The following NDNF variants were observed in gnomAD, a reference collection of about 807,000 sequenced individuals.
NDNF encodes the protein protein NDNF.
A neutral mutation model predicts 42.0 loss-of-function variants in NDNF; 16 were observed. That is an observed-to-expected ratio of 0.38 (90% CI 0.26 to 0.58). NDNF has a LOEUF of 0.58. Ranked by LOEUF, NDNF falls within the 20% of genes least tolerant of loss-of-function variation. NDNF has a pLI of 0.67. For synonymous variants in NDNF, 248 were observed against 251.7 expected (o/e 0.99, Z 0.14); for missense variants, 616 against 666.2 (o/e 0.92, Z 0.83).
At chr4:121,042,390 G>A (rs986465923) in intron 2 of NDNF, among the ~76,000 whole-genome samples, 1 of 152,200 alleles carries the variant, frequency 6.6e-6, no homozygotes, top group African/African-American at 2.4e-5. Flanking sequence ...ATTCAAAGAT[G>A]CTTTTGGAGA....
intron 1 of NDNF, among the ~76,000 whole-genome samples, chr4:121,060,199 G>C (rs749529558): frequency 4.0e-5 from 6 of 150,152 alleles, no homozygotes; most frequent in Non-Finnish European, 7.4e-5. Context: ...TTTTAGTTTT[G>C]AGACAGAGTC....
chr4:121,052,952 T>G (rs1275570622), intron 1 of NDNF, among the ~76,000 whole-genome samples: 1 of 152,188 alleles, frequency 6.6e-6, no homozygotes, highest in Non-Finnish European at 1.5e-5. Context: ...ATTCCTGGTC[T>G]GCCCTGACGA....
At chr4:121,058,450 C>T (rs1727341461) in intron 1 of NDNF, among the ~76,000 whole-genome samples, 1 of 152,140 alleles carries the variant, frequency 6.6e-6, no homozygotes, top group Non-Finnish European at 1.5e-5. Flanking sequence ...CCTTCCTCTG[C>T]CAGAATGCTT....
In NDNF at chr4:121,072,016, G is replaced by C. The variant is rs1727614128; in HGVS notation, c.-25C>G. The C allele has an allele frequency of 6.6e-6, 1 of 152,228 alleles. No homozygotes were observed. The highest frequency in any genetic ancestry group is 1.5e-5 in the Non-Finnish European group (1 of 68,140). The allele number at this position is 152,228 out of a possible 1,614,324, so 9.4% of individuals were successfully genotyped here. On this transcript the variant is annotated 5_prime_UTR_variant, in exon 1 of 4. Transcript: ENST00000379692. Reference sequence around the variant, plus strand: ...ACCTTAAAAAGATCTGTTTTTCGTAGGGAAAATAGAAAAAAATCCCTCCCC... The same window carrying C: ...ACCTTAAAAAGATCTGTTTTTCGTACGGAAAATAGAAAAAAATCCCTCCCC...
At chr4:121,050,763 G>T (rs560135039) in intron 1 of NDNF, among the ~76,000 whole-genome samples, 52 of 152,104 alleles carry the variant, frequency 3.4e-4, no homozygotes, top group Non-Finnish European at 7.4e-4. Flanking sequence ...CTTCACATTT[G>T]GCACAAGTCC....
chr4:121,061,221 T>A (rs2148770946), intron 1 of NDNF: 1 of 152,412 alleles, frequency 6.6e-6, no homozygotes, highest in Non-Finnish European at 1.5e-5. Context: ...AAGACAGTGG[T>A]TCCTGATAAT....
Position 121,045,683 on chromosome 4 carries a change from A to G in NDNF, c.155T>C (p.Ile52Thr), listed in dbSNP as rs540385907. ...TGTATCTCTAAAGAGATAACTGCTA[A>G]TTTCAGCTCCATCTGGAATTACTGA... ...DSSVIPDGAE[I>T]SSYLFRDTPK... The change falls in exon 2 of 4, where the codon ATT becomes ACT. Residue 52 changes from isoleucine to threonine, a missense_variant. Physicochemically the swap from Ile to Thr is moderately conservative, Grantham distance 89. Coordinates refer to ENST00000379692, the MANE Select transcript of NDNF (RefSeq NM_024574.4). 1.2e-6 allele frequency: 2 copies of G among 1,614,224 alleles called. No homozygotes were observed. The highest frequency in any genetic ancestry group is 2.7e-5 in the African/African-American group (2 of 75,048).
At chr4:121,040,204 A>G (rs1385142665) in intron 2 of NDNF, 150 bp from the exon 3 acceptor site, 1 of 788,504 alleles carries the variant, frequency 1.3e-6, no homozygotes, top group Non-Finnish European at 1.9e-6. Context: ...TTCCCTTAAC[A>G]CAGTTTAATA....
At chr4:121,060,493 A>G (rs1463963722) in intron 1 of NDNF, among the ~76,000 whole-genome samples, 1 of 151,838 alleles carries the variant, frequency 6.6e-6, no homozygotes, top group East Asian at 1.9e-4. Flanking sequence ...CCTTTTTTAC[A>G]TTAAAAAAAA....
chr4:121,069,071 A>G (rs1261220738), intron 1 of NDNF, among the ~76,000 whole-genome samples: 1 of 152,226 alleles, frequency 6.6e-6, no homozygotes, highest in Admixed American at 6.5e-5. Flanking sequence ...TTAGAGTTTT[A>G]AAATACATTT....
chr4:121,036,509 TATC>T lies in NDNF; in HGVS notation c.1459_1461del (p.Asp487del). On this transcript the variant is annotated inframe_deletion, in exon 4 of 4. Coordinates refer to ENST00000379692, the MANE Select transcript of NDNF (RefSeq NM_024574.4). Reference sequence around the variant, plus strand: ...CTTTTCTTCTGGTCTTCATTGTAGTTATCATCCACTTCTTTTTTGTAGATGCAA... The same window carrying T: ...CTTTTCTTCTGGTCTTCATTGTAGTTATCCACTTCTTTTTTGTAGATGCAA... 1.2e-6 allele frequency: 2 copies of T among 1,614,192 alleles called. No homozygotes were observed. The highest frequency in any genetic ancestry group is 1.7e-6 in the Non-Finnish European group (2 of 1,180,040).
chr4:121,068,890 T>G (rs1727543741), intron 1 of NDNF, among the ~76,000 whole-genome samples: 1 of 152,168 alleles, frequency 6.6e-6, no homozygotes, highest in Non-Finnish European at 1.5e-5. Context: ...TATCTGCTCA[T>G]CCATCATACC....
chr4:121,037,256 T>A lies in NDNF; in HGVS notation c.715A>T (p.Met239Leu). ...AAGTCCAGACCAGGTTTCGGTGCCATCATAAAAGCATCATCTGCACTCAGT... is the reference window on the plus strand; with the variant it reads ...AAGTCCAGACCAGGTTTCGGTGCCAACATAAAAGCATCATCTGCACTCAGT... Reference protein sequence around the residue: ...AKLSADDAFMMAPKPGLDFSP... With the variant: ...AKLSADDAFMLAPKPGLDFSP... The change falls in exon 4 of 4, where the codon ATG (methionine) becomes TTG (leucine). Residue 239 changes from methionine to leucine, a missense_variant. Transcript: ENST00000379692. 6.2e-7 allele frequency: 1 copy of A among 1,614,050 alleles called. No homozygotes were observed. The highest frequency in any genetic ancestry group is 1.3e-5 in the African/African-American group (1 of 75,000).
chr4:121,066,860 A>G (rs1727507724), intron 1 of NDNF, among the ~76,000 whole-genome samples: 1 of 152,200 alleles, frequency 6.6e-6, no homozygotes, highest in African/African-American at 2.4e-5. Flanking sequence ...ATTGTGGAAT[A>G]TATGTTCTCA....
chr4:121,046,211 G>C (rs1314232009), intron 1 of NDNF, among the ~76,000 whole-genome samples: 7 of 152,060 alleles, frequency 4.6e-5, no homozygotes, highest in African/African-American at 1.7e-4. Flanking sequence ...AATCTCTTAA[G>C]GTCAGTTTTT....
intron 1 of NDNF, among the ~76,000 whole-genome samples, chr4:121,058,708 C>T (rs980229384): frequency 1.3e-5 from 2 of 152,096 alleles, no homozygotes; most frequent in African/African-American, 4.8e-5. Context: ...CTACTTGCTG[C>T]GTATTCTCCC....
chr4:121,064,848 A>G (rs754406299), intron 1 of NDNF, among the ~76,000 whole-genome samples: 5 of 152,222 alleles, frequency 3.3e-5, no homozygotes, highest in Non-Finnish European at 1.5e-5. Context: ...ATTACAGTAG[A>G]TATAATTGTA....
At chr4:121,061,101 T>C (rs577375547) in intron 1 of NDNF, 7 of 152,158 alleles carry the variant, frequency 4.6e-5, no homozygotes, top group Non-Finnish European at 7.3e-5. Context: ...GAAAGTAACT[T>C]AAAAGGAACA....
chr4:121,045,370 ATCC>A (rs546515054), intron 2 of NDNF, among the ~76,000 whole-genome samples: 5 of 151,872 alleles, frequency 3.3e-5, no homozygotes, highest in Non-Finnish European at 7.4e-5. Flanking sequence ...AAAAAAAAAA[ATCC>A]TCCTGTACTG....
Sources: allele counts gnomAD v4.1 joint callset (sites outside exome capture counted in the v4.1 genomes callset), GRCh38; gene constraint gnomAD v4.1.1; transcripts MANE v1.5; gene names NCBI Gene and HGNC (gene_info 2026-07-23, HGNC 2026-07-21).